The following AGO2 variants were observed in gnomAD, a reference collection of about 807,000 sequenced individuals.
AGO2 encodes argonaute RISC catalytic component 2, also known as protein argonaute-2.
In AGO2, 5 loss-of-function variants were observed where a neutral mutation model predicts 102.3. That is an observed-to-expected ratio of 0.05 (90% CI 0.03 to 0.10). The LOEUF (loss-of-function observed/expected upper bound fraction) is 0.10, where lower values mean the gene tolerates loss of function less well. Among genes scored for constraint, AGO2 ranks in the 10% least tolerant of loss-of-function variants. The pLI, the probability that AGO2 is intolerant of heterozygous loss-of-function variation, is 1.00. For synonymous variants in AGO2, 449 were observed against 473.1 expected (o/e 0.95, Z 0.66); for missense variants, 541 against 1,183.7 (o/e 0.46, Z 7.97).
intron 1 of AGO2, among the ~76,000 whole-genome samples, chr8:140,612,192 C>T (rs1344844351): frequency 3.3e-5 from 4 of 121,098 alleles, no homozygotes; most frequent in Non-Finnish European, 6.4e-5. Flanking sequence ...CACTGCACTC[C>T]GGCCTGGCCA....
At chr8:140,620,900 C>T (rs1045930648) in intron 1 of AGO2, among the ~76,000 whole-genome samples, 2 of 152,110 alleles carry the variant, frequency 1.3e-5, no homozygotes, top group African/African-American at 2.4e-5. Context: ...GCAAATTCAA[C>T]GTAAATCTGG....
At chr8:140,634,740 G>A (rs998346911) in intron 1 of AGO2, among the ~76,000 whole-genome samples, 1 of 152,250 alleles carries the variant, frequency 6.6e-6, no homozygotes, top group Admixed American at 6.5e-5. Context: ...TGAATGGGGA[G>A]GCCGGCGTGT....
At chr8:140,535,336 G>C (rs879314775) in intron 17 of AGO2, 132 bp downstream of exon 17, 1 of 949,378 alleles carries the variant, frequency 1.1e-6, no homozygotes, top group East Asian at 2.6e-5. Flanking sequence ...GGGCTCCCCG[G>C]TTCCCTGGTA....
chr8:140,608,847 A>AATGAACAGCAT (rs2074039193), intron 1 of AGO2, among the ~76,000 whole-genome samples: 1 of 152,192 alleles, frequency 6.6e-6, no homozygotes, highest in Non-Finnish European at 1.5e-5. Context: ...ATGTCTGGAT[A>AATGAACAGCAT]CCTGAATCAG....
At chr8:140,604,651 C>G (rs757365438) in intron 1 of AGO2, among the ~76,000 whole-genome samples, 1 of 152,052 alleles carries the variant, frequency 6.6e-6, no homozygotes, top group East Asian at 1.9e-4. Context: ...ACGGTGAAAC[C>G]CCGTCTCTAC....
Position 140,528,158 on chromosome 8 carries a change from A to G in AGO2, c.*3886T>C, listed in dbSNP as rs1278712488. On this transcript the variant is annotated 3_prime_UTR_variant, in exon 19 of 19. Coordinates refer to ENST00000220592, the MANE Select transcript of AGO2 (RefSeq NM_012154.5). This position sits in a 1 kb window ranked among gnomAD's most constrained non-coding sequence, Gnocchi z 4.5. ...CATATATAAGAAAAACAATTCATCC[A>G]GAAAAATCACATTTGTGGCTTTCAA... 1 of 152,260 alleles carries G rather than the reference A, an allele frequency of 6.6e-6. No individual in the cohort carries two copies. The highest frequency in any genetic ancestry group is 2.4e-5 in the African/African-American group (1 of 41,478). The allele number at this position is 152,260 out of a possible 1,614,324, so 9.4% of individuals were successfully genotyped here.
intron 2 of AGO2, among the ~76,000 whole-genome samples, chr8:140,573,159 C>T (rs565891857): frequency 5.1e-4 from 77 of 151,438 alleles, no homozygotes; most frequent in Non-Finnish European, 6.8e-4. Flanking sequence ...AACGCCACCA[C>T]GCCCGGCTAA....
intron 8 of AGO2, 27 bp from the exon 9 acceptor site, chr8:140,556,313 G>A (rs200640101): frequency 6.8e-5 from 109 of 1,612,476 alleles, no homozygotes; most frequent in South Asian, 1.1e-4. Context: ...GAGACAGGCC[G>A]TCAGTGCCGC....
intron 3 of AGO2, among the ~76,000 whole-genome samples, chr8:140,571,339 G>A (rs932605601): frequency 7.9e-5 from 12 of 152,222 alleles, no homozygotes; most frequent in Admixed American, 1.3e-4. Flanking sequence ...CAGAAAGGCT[G>A]AAAGGAGCTT....
chr8:140,610,872 T>A lies in AGO2; in HGVS notation c.22+24613A>T, dbSNP rs1450793766. On this transcript the variant is annotated intron_variant, in intron 1 of 18. Coordinates refer to ENST00000220592, the MANE Select transcript of AGO2 (RefSeq NM_012154.5). ...CAGCCAGGCGGCCACTCCATGCAGA[T>A]GAGATTTTAGATTCCAAATCAGATG... Among the ~76,000 whole-genome samples the A allele has an allele frequency of 2.0e-5, 3 of 152,252 alleles. No homozygotes were observed. The South Asian group carries it at 6.2e-4, about 31-fold the overall frequency.
At chr8:140,556,348 A>T in intron 8 of AGO2, 62 bp from the exon 9 acceptor site, 1 of 1,591,044 alleles carries the variant, frequency 6.3e-7, no homozygotes, top group Admixed American at 1.7e-5. Flanking sequence ...GGGAGCAGGC[A>T]GGGGGCTCAG....
intron 1 of AGO2, among the ~76,000 whole-genome samples, chr8:140,601,238 T>G (rs2073928564): frequency 1.3e-5 from 2 of 152,216 alleles, no homozygotes; most frequent in Admixed American, 1.3e-4. Flanking sequence ...TCCTGTCTAC[T>G]CTTTCCTCAA....
At chr8:140,532,355 C>T in intron 18 of AGO2, 61 bp downstream of exon 18, 1 of 1,543,376 alleles carries the variant, frequency 6.5e-7, no homozygotes, top group Non-Finnish European at 8.8e-7. Context: ...AGAAAAGCAG[C>T]TGCCAATACC....
At chr8:140,588,868 T>G (rs1305689279) in intron 1 of AGO2, among the ~76,000 whole-genome samples, 1 of 152,234 alleles carries the variant, frequency 6.6e-6, no homozygotes, top group Non-Finnish European at 1.5e-5. Flanking sequence ...CGCAGCGTCA[T>G]GTACACAGCC....
chr8:140,554,486 T>C (rs890554970), intron 10 of AGO2, among the ~76,000 whole-genome samples: 4 of 152,106 alleles, frequency 2.6e-5, no homozygotes, highest in African/African-American at 7.2e-5. Context: ...AAATGTTAGC[T>C]AGAAAACAGC....
At chr8:140,582,838 G>A (rs892512000) in intron 2 of AGO2, among the ~76,000 whole-genome samples, 2 of 152,242 alleles carry the variant, frequency 1.3e-5, no homozygotes, top group African/African-American at 2.4e-5. Flanking sequence ...CCAACAGGAA[G>A]GTGAGATGAC....
At chr8:140,547,444 G>A (rs781620494) in intron 13 of AGO2, 24 bp downstream of exon 13, 26 of 1,610,286 alleles carry the variant, frequency 1.6e-5, no homozygotes, top group South Asian at 1.2e-4. Context: ...GTCCGCAGGC[G>A]GAGGTAAAGG....
intron 1 of AGO2, among the ~76,000 whole-genome samples, chr8:140,604,118 C>T (rs1340274185): frequency 6.6e-6 from 1 of 152,240 alleles, no homozygotes; most frequent in African/African-American, 2.4e-5. Flanking sequence ...GGCTCAGACA[C>T]AGTACGAAAT....
intron 1 of AGO2, among the ~76,000 whole-genome samples, chr8:140,619,174 A>C (rs2074181952): frequency 6.6e-6 from 1 of 152,160 alleles, no homozygotes; most frequent in African/African-American, 2.4e-5. Flanking sequence ...TGTATACAAG[A>C]CACAGCCACC....
Sources: allele counts gnomAD v4.1 joint callset (sites outside exome capture counted in the v4.1 genomes callset), GRCh38; gene constraint gnomAD v4.1.1; non-coding constraint Gnocchi (gnomAD v3.1); transcripts MANE v1.5; gene names NCBI Gene and HGNC (gene_info 2026-07-23, HGNC 2026-07-21).